Variants in MMS19 observed in about 807,000 individuals in gnomAD.
MMS19 encodes MMS19 cytosolic iron-sulfur assembly component.
MMS19 carries 77 observed loss-of-function variants against 129.8 expected under a neutral mutation model. The observed-to-expected ratio is 0.59, with a 90% CI of 0.49 to 0.72. The LOEUF is 0.72. Among genes scored for constraint, MMS19 ranks in the 30% least tolerant of loss-of-function variants. MMS19 has a pLI of 0.00. For synonymous variants in MMS19, 491 were observed against 502.8 expected (o/e 0.98, Z 0.31); for missense variants, 1,168 against 1,266.3 (o/e 0.92, Z 1.18).
At position 97,466,789 on chromosome 10, in the gene MMS19, C is replaced by T; in HGVS notation, c.1410G>A (p.Leu470=). The T allele has an allele frequency of 6.2e-7, 1 of 1,614,002 alleles. No individual in the cohort carries two copies. Among genetic ancestry groups the T allele is most frequent in the Non-Finnish European group, 8.5e-7 (1 of 1,179,906 alleles). The change falls in exon 15 of 31, where the codon TTG becomes TTA. Residue 470 remains leucine (L), a synonymous_variant. Transcript: ENST00000438925. ...QLVGIRTLTV[L]GAQPDLLSYE... is the part of the protein sequence containing the mutation. The stretch of plus-strand genomic sequence containing the variant: ...CTTAAGATGTACCTGGCTGGGCACC[C>T]AAGACTGTCAGTGTACGGATGCCAA...
rs1041201081 is a variant in MMS19 at position 97,481,020 on chromosome 10, G to T, written c.184C>A (p.Pro62Thr). The T allele has an allele frequency of 3.1e-6, 5 of 1,606,180 alleles. No individual in the cohort carries two copies. The highest frequency in any genetic ancestry group is 4.3e-6 in the Non-Finnish European group (5 of 1,175,344). ...TGGATTGCTCGTGCCCGAGTTCGGG[G>T]TTCTGGATTCTCTAGAGAGGACCTA... is the stretch of plus-strand genomic sequence containing the variant. ...ALGSSLENPE[P>T]RTRARAIQLL... is the part of the protein sequence containing the mutation. The change falls in exon 3 of 31, where the codon CCC becomes ACC. Residue 62 changes from proline (P) to threonine (T), a missense_variant. This residue lies in a region of MMS19 where 329 missense variants were observed against 328.6 expected (regional missense o/e 1.00). Transcript: ENST00000438925.
At chr10:97,492,756 G>A (rs995503455) in intron 1 of MMS19, among the ~76,000 whole-genome samples, 1 of 150,906 alleles carries the variant, frequency 6.6e-6, no homozygotes, top group African/African-American at 2.4e-5. Context: ...CTGTTTCGGA[G>A]GCTGAGGCAG....
rs912541818 is a variant in MMS19, at chr10:97,462,154, A to G, written c.2013-35T>C. 9 of 1,473,598 alleles carry G rather than the reference A, an allele frequency of 6.1e-6. No homozygotes were observed. The African/African-American group carries it at 9.8e-5, about 16-fold the overall frequency. 91.3% of individuals were successfully genotyped at this position (1,473,598 alleles called of 1,614,324 possible). The stretch of plus-strand genomic sequence containing the variant: ...GAGTACTAGGTATGACCAAGGAGCT[A>G]GGATTCTAAAGCAGCCCTCTCCTCC... On this transcript the variant is annotated intron_variant, in intron 20 of 30. Transcript: ENST00000438925.
chr10:97,460,462 T>C lies in MMS19; in HGVS notation c.2470-230A>G, dbSNP rs2031470313. 1.1e-5 allele frequency: 7 copies of C among 619,092 alleles called. No homozygotes were observed. The South Asian group carries it at 1.4e-4, about 13-fold the overall frequency. The allele number at this position is 619,092 out of a possible 1,614,324, so 38.3% of individuals were successfully genotyped here. ...GGGGTGCCCCTGTAGTCCCAGCTACTTGCGAGGCTGAAGTGGGAGGATCAC... is the reference window on the plus strand; with the variant it reads ...GGGGTGCCCCTGTAGTCCCAGCTACCTGCGAGGCTGAAGTGGGAGGATCAC... On this transcript the variant is annotated intron_variant, in intron 25 of 30. Coordinates refer to ENST00000438925, the MANE Select transcript of MMS19 (RefSeq NM_022362.5).
At chr10:97,479,192 GT>G (rs1564671990) in intron 3 of MMS19, among the ~76,000 whole-genome samples, 1 of 152,116 alleles carries the variant, frequency 6.6e-6, no homozygotes, top group Non-Finnish European at 1.5e-5. Context: ...CACTTCATGT[GT>G]GTCGGTGTCG....
intron 1 of MMS19, among the ~76,000 whole-genome samples, chr10:97,491,026 G>T (rs1039075311): frequency 6.6e-6 from 1 of 152,144 alleles, no homozygotes; most frequent in South Asian, 2.1e-4. Context: ...ACCTATTTCT[G>T]GGTTACGAAC....
chr10:97,470,084 C>T (rs760062996), intron 10 of MMS19, 45 bp downstream of exon 10: 30 of 1,326,618 alleles, frequency 2.3e-5, no homozygotes, highest in Admixed American at 7.6e-5. Flanking sequence ...GGACCCCTAA[C>T]TTGTCAAAAG....
chr10:97,482,767 C>CAT (rs1174957595), intron 2 of MMS19, among the ~76,000 whole-genome samples: 3 of 136,392 alleles, frequency 2.2e-5, no homozygotes, highest in South Asian at 2.4e-4. Context: ...CACACACACA[C>CAT]ATATATTTTT....
Position 97,469,742 on chromosome 10 carries a change from C to T in MMS19, c.847-19G>A, listed in dbSNP as rs29001305. On this transcript the variant is annotated intron_variant, in intron 10 of 30. Transcript: ENST00000438925. ...AAGCATTCTGCCAAGGAAACCGCTG[C>T]TATCAGTTATGTACACACTCAGACA... 117 of 1,611,140 alleles carry T rather than the reference C, an allele frequency of 7.3e-5. No homozygotes were observed. Among genetic ancestry groups the T allele is most frequent in the Non-Finnish European group, 9.5e-5 (112 of 1,177,618 alleles).
Position 97,470,821 on chromosome 10 carries a change from A to T in MMS19, c.725T>A (p.Ile242Asn), listed in dbSNP as rs773804048. 5.0e-6 allele frequency: 8 copies of T among 1,613,744 alleles called. No homozygotes were observed. In the Admixed American group the frequency reaches 8.3e-5, roughly 17 times the overall value. ...DPHGIQREDL[I>N]LSLRAVLAST... is the part of the protein sequence containing the mutation. ...AGCCAGCACAGCGCGAAGACTCAGGATGAGGTCTTCTCTCTGGATACCATG... is the reference window on the plus strand; with the variant it reads ...AGCCAGCACAGCGCGAAGACTCAGGTTGAGGTCTTCTCTCTGGATACCATG... The change falls in exon 9 of 31, where the codon ATC becomes AAC. Residue 242 changes from isoleucine (I) to asparagine (N), a missense_variant. By Grantham distance (149) the Ile-to-Asn change is moderately radical. Coordinates refer to ENST00000438925, the MANE Select transcript of MMS19 (RefSeq NM_022362.5).
rs748592219 is a variant in MMS19 at position 97,461,861 on chromosome 10, C to G, written c.2151G>C (p.Leu717=). The part of the protein sequence containing the change: ...GSSGQRRLIA[L]LMAFVCSLPR... ...GCAGGGAGCAGACAAAGGCCATAAG[C>G]AGTGCAATCAGCCGCCTCTGCCCTG... Residue 717 remains leucine (L), a synonymous_variant, in exon 22 of 31, where the codon CTG becomes CTC. Transcript: ENST00000438925. 1.9e-6 allele frequency: 3 copies of G among 1,608,972 alleles called. No homozygotes were observed. Among genetic ancestry groups the G allele is most frequent in the Non-Finnish European group, 2.5e-6 (3 of 1,177,774 alleles).
chr10:97,489,464 G>A (rs1170173119), intron 1 of MMS19, among the ~76,000 whole-genome samples: 4 of 152,170 alleles, frequency 2.6e-5, no homozygotes, highest in Non-Finnish European at 5.9e-5. Context: ...CGGAGTTCCC[G>A]TATAGCCATC....
rs2031718283 is a variant in MMS19 at position 97,461,015 on chromosome 10, G to C, written c.2312-8C>G. 1.3e-6 allele frequency: 2 copies of C among 1,547,896 alleles called. No individual in the cohort carries two copies. The highest frequency in any genetic ancestry group is 1.7e-6 in the Non-Finnish European group (2 of 1,143,800). On this transcript the variant is annotated splice_polypyrimidine_tract_variant and splice_region_variant and intron_variant, in intron 23 of 30. Transcript: ENST00000438925. The stretch of plus-strand genomic sequence containing the variant: ...ATTCATCCAGCTGCTGCCCTAAAAA[G>C]GAGAGAGGAAATGCTGACATAAAGG...
At chr10:97,462,958 C>A in intron 19 of MMS19, 4 of 350,892 alleles carry the variant, frequency 1.1e-5, no homozygotes, top group South Asian at 7.0e-5. Flanking sequence ...ACATTCTTAA[C>A]ATAAGAAATA....
intron 8 of MMS19, among the ~76,000 whole-genome samples, chr10:97,475,743 G>GA (rs2035636246): frequency 6.6e-6 from 1 of 151,740 alleles, no homozygotes; most frequent in Non-Finnish European, 1.5e-5. Context: ...TCTCAAAAAA[G>GA]CAAAAACCAA....
intron 12 of MMS19, 35 bp from the exon 13 acceptor site, chr10:97,468,441 G>C: frequency 6.4e-7 from 1 of 1,552,726 alleles, no homozygotes; most frequent in South Asian, 1.2e-5. Context: ...CTGGGGAGGA[G>C]GCCAAATGGT....
intron 1 of MMS19, 61 bp downstream of exon 1, chr10:97,498,212 A>T (rs1418805809): frequency 4.8e-6 from 7 of 1,467,578 alleles, no homozygotes; most frequent in Non-Finnish European, 6.4e-6. Context: ...CGGCGCCTGT[A>T]CTGAGGCCGC....
intron 1 of MMS19, among the ~76,000 whole-genome samples, chr10:97,486,724 T>C (rs1452823908): frequency 6.6e-6 from 1 of 151,732 alleles, no homozygotes; most frequent in African/African-American, 2.4e-5. Flanking sequence ...GGAAACTTTA[T>C]AGAAAGGCAT....
chr10:97,470,932 T>C, intron 8 of MMS19, 71 bp from the exon 9 acceptor site: 1 of 1,309,590 alleles, frequency 7.6e-7, no homozygotes, highest in Non-Finnish European at 1.1e-6. Context: ...TCGAACCTGG[T>C]AACCCTGCAG....
Sources: allele counts gnomAD v4.1 joint callset (sites outside exome capture counted in the v4.1 genomes callset), GRCh38; gene constraint gnomAD v4.1.1; regional missense constraint gnomAD v4.1.1; transcripts MANE v1.5; gene names NCBI Gene and HGNC (gene_info 2026-07-23, HGNC 2026-07-21).